CNTN5: variants seen among roughly 807,000 people sequenced by gnomAD.
CNTN5 encodes the protein contactin-5.
In CNTN5, 77 loss-of-function variants were observed where a neutral mutation model predicts 129.1. That is an observed-to-expected ratio of 0.60 (90% CI 0.50 to 0.72). CNTN5 has a LOEUF of 0.72. Ranked by LOEUF, CNTN5 falls within the 30% of genes least tolerant of loss-of-function variation. The pLI is 0.00. For synonymous variants in CNTN5, 509 were observed against 465.6 expected (o/e 1.09, Z -1.20); for missense variants, 1,478 against 1,328.8 (o/e 1.11, Z -1.75).
intron 3 of CNTN5, among the ~76,000 whole-genome samples, chr11:99,580,670 G>T (rs1361165361): frequency 2.6e-5 from 4 of 151,992 alleles, no homozygotes; most frequent in African/African-American, 9.6e-5. Flanking sequence ...TGGGGTCGGT[G>T]GTGATATCCC....
intron 6 of CNTN5, among the ~76,000 whole-genome samples, chr11:99,915,589 A>G (rs548456445): frequency 9.2e-5 from 14 of 152,280 alleles, no homozygotes; most frequent in African/African-American, 3.4e-4. Context: ...AGAGCATACA[A>G]GCCTCTCTAA....
intron 1 of CNTN5, among the ~76,000 whole-genome samples, chr11:99,170,509 C>T (rs1473223487): frequency 4.6e-5 from 7 of 152,208 alleles, no homozygotes; most frequent in Non-Finnish European, 7.4e-5. Context: ...TGTAAGATTG[C>T]TTCTAGTTCT....
At chr11:99,104,641 C>T (rs199916550) in intron 1 of CNTN5, among the ~76,000 whole-genome samples, 13 of 151,262 alleles carry the variant, frequency 8.6e-5, no homozygotes, top group African/African-American at 2.4e-4. Flanking sequence ...CACACACACA[C>T]GTGTATATAT....
chr11:99,208,880 T>G (rs1164107849), intron 1 of CNTN5, among the ~76,000 whole-genome samples: 1 of 152,254 alleles, frequency 6.6e-6, no homozygotes, highest in East Asian at 1.9e-4. Flanking sequence ...CCTTGTTTAT[T>G]AAAGATTAAG....
intron 13 of CNTN5, among the ~76,000 whole-genome samples, chr11:100,084,730 C>T (rs1325956474): frequency 2.6e-5 from 4 of 151,816 alleles, no homozygotes; most frequent in African/African-American, 9.7e-5. Flanking sequence ...AATAAAATAC[C>T]TATACATTTT....
intron 1 of CNTN5, among the ~76,000 whole-genome samples, chr11:99,168,180 G>A (rs1860969858): frequency 6.6e-6 from 1 of 152,140 alleles, no homozygotes; most frequent in Non-Finnish European, 1.5e-5. Flanking sequence ...CTGGGCTCAA[G>A]TGATCTGCCT....
intron 1 of CNTN5, among the ~76,000 whole-genome samples, chr11:99,270,487 A>G (rs866496377): frequency 5.3e-5 from 8 of 151,870 alleles, no homozygotes; most frequent in Middle Eastern, 3.2e-3. Context: ...GGTCTATAAC[A>G]CTACTCCTTT....
intron 2 of CNTN5, among the ~76,000 whole-genome samples, chr11:99,416,164 A>G (rs2135032373): frequency 6.6e-6 from 1 of 152,206 alleles, no homozygotes; most frequent in South Asian, 2.1e-4. Flanking sequence ...GGTTTTATTT[A>G]CTTATTTATT....
intron 1 of CNTN5, among the ~76,000 whole-genome samples, chr11:99,100,819 A>G (rs1866695469): frequency 6.6e-6 from 1 of 152,240 alleles, no homozygotes; most frequent in African/African-American, 2.4e-5. Context: ...CATACTAAAG[A>G]AAATTAAATA....
At chr11:99,797,564 C>T (rs1340937942) in intron 3 of CNTN5, among the ~76,000 whole-genome samples, 3 of 152,118 alleles carry the variant, frequency 2.0e-5, no homozygotes, top group Non-Finnish European at 4.4e-5. Context: ...TTCTTGGCCA[C>T]TTGTATGTCT....
At chr11:100,223,606 G>A (rs1347225204) in intron 15 of CNTN5, among the ~76,000 whole-genome samples, 6 of 151,992 alleles carry the variant, frequency 3.9e-5, no homozygotes, top group Non-Finnish European at 8.8e-5. Flanking sequence ...CTTTTTAAAG[G>A]TCTGTAATCT....
intron 6 of CNTN5, among the ~76,000 whole-genome samples, chr11:99,913,892 A>G (rs567572040): frequency 2.6e-5 from 4 of 152,232 alleles, no homozygotes; most frequent in South Asian, 2.1e-4. Context: ...TGATATCCCA[A>G]TGACCTTCCA....
intron 2 of CNTN5, among the ~76,000 whole-genome samples, chr11:99,435,890 A>G (rs972677431): frequency 1.3e-5 from 2 of 152,226 alleles, no homozygotes; most frequent in African/African-American, 4.8e-5. Flanking sequence ...GAAGATGGTA[A>G]CAAATTGTAG....
intron 8 of CNTN5, among the ~76,000 whole-genome samples, chr11:99,999,322 G>C (rs943343759): frequency 5.1e-4 from 77 of 151,922 alleles, no homozygotes; most frequent in Non-Finnish European, 2.5e-4. Flanking sequence ...AAAAAACAAA[G>C]AACCCCATCA....
At chr11:99,619,248 T>C (rs1460827850) in intron 3 of CNTN5, among the ~76,000 whole-genome samples, 1 of 152,132 alleles carries the variant, frequency 6.6e-6, no homozygotes, top group East Asian at 1.9e-4. Context: ...AAAATATTTC[T>C]AATTGGAGAT....
At chr11:99,776,504 C>T (rs1056843624) in intron 3 of CNTN5, among the ~76,000 whole-genome samples, 33 of 151,812 alleles carry the variant, frequency 2.2e-4, no homozygotes, top group African/African-American at 7.0e-4. Flanking sequence ...TTACATAACT[C>T]ATACTGAGCT....
At chr11:99,946,091 C>T (rs1226034349) in intron 7 of CNTN5, among the ~76,000 whole-genome samples, 1 of 152,078 alleles carries the variant, frequency 6.6e-6, no homozygotes, top group Non-Finnish European at 1.5e-5. Flanking sequence ...CAGTATCTCT[C>T]GATCTCATCT....
At chr11:99,346,606 T>C (rs1364769163) in intron 2 of CNTN5, among the ~76,000 whole-genome samples, 1 of 152,244 alleles carries the variant, frequency 6.6e-6, no homozygotes, top group African/African-American at 2.4e-5. Flanking sequence ...CAGGGTGCAC[T>C]TGTGACTAAG....
chr11:100,303,439 A>T (rs1951273813), intron 20 of CNTN5, among the ~76,000 whole-genome samples: 1 of 151,770 alleles, frequency 6.6e-6, no homozygotes, highest in Middle Eastern at 3.4e-3. Context: ...ACCATTTTCC[A>T]CTTAGTTCTT....
Sources: allele counts gnomAD v4.1 joint callset (sites outside exome capture counted in the v4.1 genomes callset), GRCh38; gene constraint gnomAD v4.1.1; transcripts MANE v1.5; gene names NCBI Gene and HGNC (gene_info 2026-07-23, HGNC 2026-07-21).